DSCC1: variants seen among roughly 807,000 people sequenced by gnomAD.
DSCC1 encodes the protein DNA replication and sister chromatid cohesion 1, also known as sister chromatid cohesion protein DCC1.
In DSCC1, 32 loss-of-function variants were observed where a neutral mutation model predicts 48.2. The observed-to-expected ratio is 0.66, with a 90% confidence interval of 0.50 to 0.89. The LOEUF is 0.89. Among genes scored for constraint, DSCC1 ranks in the 40% least tolerant of loss-of-function variants. The pLI is 0.00. For synonymous variants in DSCC1, 150 were observed against 171.5 expected, an observed-to-expected ratio of 0.87 and a Z score of 0.98; for missense variants, 421 against 471.7, an observed-to-expected ratio of 0.89 and a Z score of 1.00.
In DSCC1 at chr8:119,855,735, C is replaced by T; in HGVS notation, c.61G>A (p.Glu21Lys). The T allele has an allele frequency of 1.9e-6, 3 of 1,576,004 alleles. No homozygotes were observed. The South Asian group carries it at 3.5e-5, about 18-fold the overall frequency. ...TLQIAKLNAA[E>K]LLPAVHCLGF... is the part of the protein sequence containing the mutation. The stretch of plus-strand genomic sequence containing the variant: ...AGGCAGTGCACCGCCGGCAGCAGCT[C>T]GGCCGCATTCAGCTTGGCGATCTGC... The change falls in exon 1 of 9, where the codon GAG becomes AAG. Residue 21 changes from glutamate (E) to lysine (K), a missense_variant. By Grantham distance (56) the Glu-to-Lys change is moderately conservative. Coordinates refer to ENST00000313655, the MANE Select transcript of DSCC1 (RefSeq NM_024094.3).
At chr8:119,842,948 G>T in intron 5 of DSCC1, 120 bp from the exon 6 acceptor site, 1 of 795,564 alleles carries the variant, frequency 1.3e-6, no homozygotes, top group Non-Finnish European at 2.0e-6. Context: ...AAGTGATTTT[G>T]GTTGCCAAAT....
chr8:119,853,365 A>G, intron 1 of DSCC1, 150 bp from the exon 2 acceptor site: 1 of 845,618 alleles, frequency 1.2e-6, no homozygotes, highest in African/African-American at 1.7e-5. Context: ...GCTGGATTCC[A>G]CACAGCAAGC....
In DSCC1 at chr8:119,855,747, G is replaced by A. The variant is rs1323056019; in HGVS notation, c.49C>T (p.Leu17=). The change falls in exon 1 of 9, where the codon CTG becomes TTG. Residue 17 remains leucine (L), a synonymous_variant. Coordinates refer to ENST00000313655, the MANE Select transcript of DSCC1 (RefSeq NM_024094.3). ...EVDATLQIAK[L]NAAELLPAVH... ...GCCGGCAGCAGCTCGGCCGCATTCA[G>A]CTTGGCGATCTGCAGCGTCGCATCC... is the stretch of plus-strand genomic sequence containing the variant. 6.3e-7 allele frequency: 1 copy of A among 1,579,264 alleles called. No homozygotes were observed. Among genetic ancestry groups the A allele is most frequent in the South Asian group, 1.2e-5 (1 of 86,676 alleles).
At chr8:119,845,677 C>T (rs560160139) in intron 4 of DSCC1, among the ~76,000 whole-genome samples, 7 of 151,878 alleles carry the variant, frequency 4.6e-5, no homozygotes, top group Non-Finnish European at 8.8e-5. Flanking sequence ...GGCTGGGCAC[C>T]GTGGCTCACA....
intron 5 of DSCC1, among the ~76,000 whole-genome samples, chr8:119,843,120 T>TA (rs1826797595): frequency 1.3e-5 from 1 of 79,396 alleles, no homozygotes; most frequent in Admixed American, 9.8e-5. Context: ...TTTTATTTTA[T>TA]TTTTTTTTTT....
intron 8 of DSCC1, among the ~76,000 whole-genome samples, chr8:119,836,514 G>T (rs920840576): frequency 2.0e-5 from 3 of 152,092 alleles, no homozygotes; most frequent in African/African-American, 7.2e-5. Context: ...GAACCAGAAG[G>T]TAGGGGAAAG....
At chr8:119,840,336 C>T (rs1430108893) in intron 7 of DSCC1, 2 of 152,130 alleles carry the variant, frequency 1.3e-5, no homozygotes, top group Non-Finnish European at 2.9e-5. Context: ...GAGGTCTTTG[C>T]TTCAAGCAGA....
At chr8:119,849,544 A>C (rs1444449077) in intron 3 of DSCC1, among the ~76,000 whole-genome samples, 1 of 152,238 alleles carries the variant, frequency 6.6e-6, no homozygotes, top group Non-Finnish European at 1.5e-5. Flanking sequence ...AGAATAGGCA[A>C]ATCTATATAG....
chr8:119,853,096 G>A lies in DSCC1; in HGVS notation c.302C>T (p.Pro101Leu), dbSNP rs750237304. ...TGAATCTTCCTTCTTCAACTGGTCC[G>A]GAGTTTTACAACCAGGAATGAAAAG... ...MLLFIPGCKTPDQLKKEDSHC... is the reference protein window; with the variant it reads ...MLLFIPGCKTLDQLKKEDSHC... The change falls in exon 2 of 9, where the codon CCG becomes CTG. Residue 101 changes from proline to leucine, a missense_variant. This residue lies in a region of DSCC1 where 174 missense variants were observed against 184.5 expected (regional missense o/e 0.94). Coordinates refer to ENST00000313655, the MANE Select transcript of DSCC1 (RefSeq NM_024094.3). The A allele has an allele frequency of 2.2e-5, 35 of 1,613,724 alleles. No homozygotes were observed. The highest frequency in any genetic ancestry group is 1.1e-4 in the South Asian group (10 of 91,052).
At chr8:119,835,346 A>G (rs918485080) in intron 8 of DSCC1, among the ~76,000 whole-genome samples, 9 of 152,058 alleles carry the variant, frequency 5.9e-5, no homozygotes, top group African/African-American at 1.4e-4. Context: ...CTCTATTAAA[A>G]ATAGAAAAAA....
rs567382913 is a variant in DSCC1, at chr8:119,845,210, T to C, written c.578-1463A>G. On this transcript the variant is annotated intron_variant, in intron 4 of 8. Transcript: ENST00000313655. ...AAATGATTCTCCTGCCTTAGCCTCC[T>C]GAGTAGCTGGGACTATAGGCATGCG... Among the ~76,000 whole-genome samples the C allele has an allele frequency of 3.9e-5, 6 of 152,100 alleles. No individual in the cohort carries two copies. The South Asian group carries it at 1.2e-3, about 32-fold the overall frequency.
At chr8:119,837,846 G>C (rs1001663971) in intron 8 of DSCC1, among the ~76,000 whole-genome samples, 1 of 152,138 alleles carries the variant, frequency 6.6e-6, no homozygotes, top group Non-Finnish European at 1.5e-5. Context: ...TCAAGCGTTA[G>C]GGGACTCAAG....
Position 119,834,902 on chromosome 8 carries a change from G to A in DSCC1, c.1173C>T (p.Pro391=). Reference sequence around the variant, plus strand: ...AAAGACCGTTGTTCTTTTAAGAAATGGGTCTTCTCGAATTATAAACTTTAA... The same window carrying A: ...AAAGACCGTTGTTCTTTTAAGAAATAGGTCTTCTCGAATTATAAACTTTAA... ...NGVKVYNSRR[P]IS The change falls in exon 9 of 9, where the codon CCC becomes CCT. Residue 391 remains proline (P), a synonymous_variant. Coordinates refer to ENST00000313655, the MANE Select transcript of DSCC1 (RefSeq NM_024094.3). 1 of 1,590,386 alleles carries A rather than the reference G, an allele frequency of 6.3e-7. No homozygotes were observed. The highest frequency in any genetic ancestry group is 8.6e-7 in the Non-Finnish European group (1 of 1,161,768).
At chr8:119,845,564 C>T (rs534774804) in intron 4 of DSCC1, among the ~76,000 whole-genome samples, 8 of 152,050 alleles carry the variant, frequency 5.3e-5, no homozygotes, top group Non-Finnish European at 1.0e-4. Context: ...CTACGCATCC[C>T]CCTAGAGAAA....
chr8:119,855,376 G>A (rs1477725318), intron 1 of DSCC1, among the ~76,000 whole-genome samples: 1 of 152,194 alleles, frequency 6.6e-6, no homozygotes, highest in Non-Finnish European at 1.5e-5. Context: ...AGTATTTCCT[G>A]ACTTGCTCCC....
Position 119,834,802 on chromosome 8 carries a change from TA to T in DSCC1, c.*90del. On this transcript the variant is annotated 3_prime_UTR_variant, in exon 9 of 9. Transcript: ENST00000313655. Reference sequence around the variant, plus strand: ...AAAATGCCTTAGAAGACTAGGTTTCTAAAAGTCAGAAATAAAAGTACAAGTT... The same window carrying T: ...AAAATGCCTTAGAAGACTAGGTTTCTAAAGTCAGAAATAAAAGTACAAGTT... The T allele has an allele frequency of 2.3e-6, 2 of 879,506 alleles. No homozygotes were observed. Among genetic ancestry groups the T allele is most frequent in the Non-Finnish European group, 3.6e-6 (2 of 549,222 alleles). 54.5% of individuals were successfully genotyped at this position (879,506 alleles called of 1,614,324 possible).
chr8:119,844,935 G>T (rs1462642795), intron 4 of DSCC1, among the ~76,000 whole-genome samples: 1 of 152,118 alleles, frequency 6.6e-6, no homozygotes. Context: ...TCATGAAGAA[G>T]TCCAGCTCAC....
chr8:119,834,941 C>A lies in DSCC1; in HGVS notation c.1134G>T (p.Ser378=). The part of the protein sequence containing the change: ...GALLTKYSHS[S]MQNGVKVYNS... ...TATAAACTTTAACACCATTTTGCAT[C>A]GAAGAATGAGAATATTTAGTGAGTA... The change falls in exon 9 of 9, where the codon TCG becomes TCT. Residue 378 remains serine, a synonymous_variant. Coordinates refer to ENST00000313655, the MANE Select transcript of DSCC1 (RefSeq NM_024094.3). 1 of 1,611,242 alleles carries A rather than the reference C, an allele frequency of 6.2e-7. No individual in the cohort carries two copies. The highest frequency in any genetic ancestry group is 8.5e-7 in the Non-Finnish European group (1 of 1,178,388).
At chr8:119,843,476 T>G in intron 5 of DSCC1, 133 bp downstream of exon 5, 1 of 1,294,900 alleles carries the variant, frequency 7.7e-7, no homozygotes, top group Non-Finnish European at 1.0e-6. Flanking sequence ...CTTCTTCGGT[T>G]GTAATTGTAA....
Sources: allele counts gnomAD v4.1 joint callset (sites outside exome capture counted in the v4.1 genomes callset), GRCh38; gene constraint gnomAD v4.1.1; regional missense constraint gnomAD v4.1.1; transcripts MANE v1.5; gene names NCBI Gene and HGNC (gene_info 2026-07-23, HGNC 2026-07-21).